DISC1: variants seen among roughly 807,000 people sequenced by gnomAD.
The protein encoded by DISC1 is DISC1 scaffold protein.
DISC1 carries 57 observed loss-of-function variants against 84.5 expected under a neutral mutation model. The observed-to-expected ratio is 0.67, with a 90% confidence interval of 0.55 to 0.84. The LOEUF is 0.84. Among genes scored for constraint, DISC1 ranks in the 40% least tolerant of loss-of-function variants. The probability of loss-of-function intolerance (pLI) is 0.00; values close to 1 mark genes in which losing one functional copy is unlikely to be tolerated. For missense variants in DISC1, 1,000 were observed against 1,057.8 expected (o/e 0.95, Z 0.76); for synonymous variants, 411 against 415.2 (o/e 0.99, Z 0.12).
In DISC1 at chr1:231,675,844, T is replaced by C. The variant is rs1179779642; in HGVS notation, c.68-17982T>C. ...TCTGCTGGTATATTGTATTTGTTTT[T>C]TCTTTTCTTTTTTTTTTTTTTTTGA... On this transcript the variant is annotated intron_variant, in intron 1 of 12. Transcript: ENST00000439617. This position sits in a 1 kb window ranked among gnomAD's most constrained non-coding sequence, Gnocchi z 4.1. Among the ~76,000 whole-genome samples, 1 of 145,044 alleles carries C rather than the reference T, an allele frequency of 6.9e-6. No individual in the cohort carries two copies. Among genetic ancestry groups the C allele is most frequent in the Non-Finnish European group, 1.5e-5 (1 of 66,424 alleles).
At chr1:231,920,905 ATTTTT>A (rs34325068) in intron 9 of DISC1, among the ~76,000 whole-genome samples, 1 of 112,938 alleles carries the variant, frequency 8.9e-6, no homozygotes, top group African/African-American at 3.4e-5. Flanking sequence ...CTGAACTGCT[ATTTTT>A]TTTTTTTTTT....
chr1:232,026,702 A>G, intron 12 of DISC1, 150 bp downstream of exon 12: 2 of 625,672 alleles, frequency 3.2e-6, no homozygotes, highest in East Asian at 2.9e-5. Context: ...TGAGATTATC[A>G]GGTATGAAAT....
At chr1:231,702,397 A>G in intron 3 of DISC1, 1 of 1,004,254 alleles carries the variant, frequency 1.0e-6, no homozygotes, top group Non-Finnish European at 1.2e-6. Flanking sequence ...GACAATAGGA[A>G]AGTAAGACAG....
chr1:231,713,709 T>TAGGAG (rs1553319407), intron 3 of DISC1, among the ~76,000 whole-genome samples: 7 of 71,858 alleles, frequency 9.7e-5, no homozygotes, highest in African/African-American at 2.5e-4. Flanking sequence ...AGGAGATATA[T>TAGGAG]ATATATATAT....
chr1:231,961,468 A>G (rs1029196069), intron 10 of DISC1, among the ~76,000 whole-genome samples: 1 of 152,158 alleles, frequency 6.6e-6, no homozygotes, highest in African/African-American at 2.4e-5. Flanking sequence ...GGTTTGGGGT[A>G]TGATTGATCC....
At chr1:231,735,039 A>G (rs1258011714) in intron 3 of DISC1, among the ~76,000 whole-genome samples, 1 of 152,244 alleles carries the variant, frequency 6.6e-6, no homozygotes, top group Non-Finnish European at 1.5e-5. Flanking sequence ...TTATTTTAAT[A>G]ATACAATAAT....
At chr1:231,678,830 TAA>T (rs1385891421) in intron 1 of DISC1, among the ~76,000 whole-genome samples, 2 of 151,902 alleles carry the variant, frequency 1.3e-5, no homozygotes, top group East Asian at 3.9e-4. Context: ...CACGCCTGGC[TAA>T]TTGTTTTTTA....
intron 9 of DISC1, among the ~76,000 whole-genome samples, chr1:231,956,614 T>C (rs1005674497): frequency 2.6e-5 from 4 of 152,174 alleles, no homozygotes; most frequent in African/African-American, 9.7e-5. Context: ...TTCTAGTTAC[T>C]ACAGCTGTGC....
Position 231,906,878 on chromosome 1 carries a change from C to T in DISC1, c.1982-51950C>T, listed in dbSNP as rs2088698792. On this transcript the variant is annotated intron_variant, in intron 9 of 12. Coordinates refer to ENST00000439617, the MANE Select transcript of DISC1 (RefSeq NM_018662.3). ...TATGTTTTATATCCTCCCAGTCAAT[C>T]CCATGAGTGAATAACTACATTACAA... Among the ~76,000 whole-genome samples, 3 of 152,226 alleles carry T rather than the reference C, an allele frequency of 2.0e-5. No individual in the cohort carries two copies. In the South Asian group the frequency reaches 6.2e-4, roughly 32 times the overall value.
At chr1:231,659,547 C>G (rs972627902) in intron 1 of DISC1, among the ~76,000 whole-genome samples, 5 of 152,022 alleles carry the variant, frequency 3.3e-5, no homozygotes, top group Non-Finnish European at 7.4e-5. Flanking sequence ...TCTTGGTTCT[C>G]TAGTTCTTTA....
intron 1 of DISC1, among the ~76,000 whole-genome samples, chr1:231,674,369 C>T (rs552891079): frequency 1.5e-4 from 23 of 152,192 alleles, no homozygotes; most frequent in African/African-American, 5.3e-4. Flanking sequence ...TGGGCAGTCA[C>T]TGAGCTGTTA....
chr1:231,713,367 A>C (rs2125032503), intron 3 of DISC1, among the ~76,000 whole-genome samples: 1 of 152,306 alleles, frequency 6.6e-6, no homozygotes, highest in East Asian at 1.9e-4. Flanking sequence ...TGATTGTCTT[A>C]ATGATGTCCG....
intron 3 of DISC1, among the ~76,000 whole-genome samples, chr1:231,715,426 T>G (rs2068556089): frequency 1.3e-5 from 2 of 152,212 alleles, no homozygotes; most frequent in African/African-American, 4.8e-5. Flanking sequence ...CAAAACCTGG[T>G]CTTACATGTT....
Position 231,630,325 on chromosome 1 carries a change from C to CT in DISC1, c.67+3400dup, listed in dbSNP as rs903654311. The stretch of plus-strand genomic sequence containing the variant: ...TCATTAGACCAGAATTAGAATCATT[C>CT]TTTTTTTTTCTTTTTTTAATTAAAA... On this transcript the variant is annotated intron_variant, in intron 1 of 12. Transcript: ENST00000439617. This position sits in a 1 kb window ranked among gnomAD's most constrained non-coding sequence, Gnocchi z 4.4. 1.6e-4 allele frequency among the ~76,000 whole-genome samples: 24 copies of CT among 151,398 alleles called. No individual in the cohort carries two copies. Among genetic ancestry groups the CT allele is most frequent in the South Asian group, 4.2e-4 (2 of 4,782 alleles).
At chr1:232,025,696 A>C (rs916400123) in intron 11 of DISC1, among the ~76,000 whole-genome samples, 3 of 149,848 alleles carry the variant, frequency 2.0e-5, no homozygotes, top group Non-Finnish European at 4.4e-5. Flanking sequence ...TCCTGGGTTC[A>C]CGCCATTCTC....
At chr1:231,844,241 C>G (rs141840907) in intron 9 of DISC1, among the ~76,000 whole-genome samples, 1 of 152,188 alleles carries the variant, frequency 6.6e-6, no homozygotes, top group South Asian at 2.1e-4. Flanking sequence ...GTTTTCACAG[C>G]CCCTCTTCCT....
chr1:231,735,280 C>CA lies in DISC1; in HGVS notation c.1118-14646_1118-14645insA, dbSNP rs2072330682. On this transcript the variant is annotated intron_variant, in intron 3 of 12. Coordinates refer to ENST00000439617, the MANE Select transcript of DISC1 (RefSeq NM_018662.3). ...TCCTGTTTTCCTAATTGTTCATTGA[C>CA]TTACTGCATACCATTCTATGAGTGG... 4.6e-5 allele frequency among the ~76,000 whole-genome samples: 7 copies of CA among 152,170 alleles called. No individual in the cohort carries two copies. In the South Asian group the frequency reaches 6.2e-4, roughly 13 times the overall value.
chr1:231,800,952 T>G (rs2079183521), intron 8 of DISC1, among the ~76,000 whole-genome samples: 1 of 152,088 alleles, frequency 6.6e-6, no homozygotes, highest in Non-Finnish European at 1.5e-5. Flanking sequence ...AGTTATGTAA[T>G]GACAGCTTCA....
intron 6 of DISC1, chr1:231,774,668 G>A (rs567019998): frequency 1.3e-4 from 57 of 455,856 alleles, no homozygotes; most frequent in African/African-American, 5.6e-4. Context: ...GCTCCCTGCC[G>A]TAACCATCAA....
Sources: gnomAD v4.1 joint callset for allele counts (sites outside exome capture counted in the v4.1 genomes callset) on GRCh38, gnomAD v4.1.1 for gene constraint, Gnocchi (gnomAD v3.1) non-coding constraint, MANE v1.5 for transcripts, NCBI Gene and HGNC (gene_info 2026-07-23, HGNC 2026-07-21) for gene names.